Variants in PIR observed in about 807,000 individuals in gnomAD.
PIR encodes the protein pirin.
A neutral mutation model predicts 24.2 loss-of-function variants in PIR; 22 were observed. The ratio of observed to expected loss-of-function variants is 0.91; its 90% confidence interval spans 0.65 to 1.30. The LOEUF (loss-of-function observed/expected upper bound fraction) is 1.30. Ranked by LOEUF, PIR falls within the 50% of genes most tolerant of loss-of-function variation. The pLI, the probability that PIR is intolerant of heterozygous loss-of-function variation, is 0.00. For missense variants in PIR, 220 were observed against 220.3 expected (o/e 1.00, Z 0.01); for synonymous variants, 80 against 79.6 (o/e 1.00, Z -0.03).
rs1923693278 is a variant in PIR, at chrX:15,385,077, G to T, written c.800C>A (p.Ala267Asp). ...TTTTGCGTTTCTGAAATCAAGAATAGCTTGAGAAATCTCTTCATTGGTGTT... is the reference window on the plus strand; with the variant it reads ...TTTTGCGTTTCTGAAATCAAGAATATCTTGAGAAATCTCTTCATTGGTGTT... ...VMNTNEEISQ[A>D]ILDFRNAKNG... is the part of the protein sequence containing the mutation. Residue 267 changes from alanine (A) to aspartate (D), a missense_variant, in exon 10 of 10, where the codon GCT (alanine) becomes GAT (aspartate). Ala to Asp is a moderately radical substitution (Grantham distance 126). Transcript: ENST00000380420. 5 of 1,191,671 alleles carry T rather than the reference G, an allele frequency of 4.2e-6. No homozygotes were observed. Among genetic ancestry groups the T allele is most frequent in the Non-Finnish European group, 5.7e-6 (5 of 878,207 alleles).
intron 3 of PIR, among the ~76,000 whole-genome samples, chrX:15,475,761 G>A (rs755141724): frequency 4.5e-5 from 5 of 111,622 alleles, no homozygotes; most frequent in Non-Finnish European, 7.5e-5. Flanking sequence ...CAGGGTAAAT[G>A]CAGAAGTATT....
At chrX:15,397,752 G>GT (rs34607296) in intron 7 of PIR, among the ~76,000 whole-genome samples, 54,335 of 110,821 alleles carry the variant, frequency 0.49, 9,998 homozygotes, top group Non-Finnish European at 0.58. Flanking sequence ...TGAATCCTGC[G>GT]TGTGTTTCCA....
chrX:15,400,664 C>T lies in PIR; in HGVS notation c.611-3133G>A, dbSNP rs1924345657. 4.5e-5 allele frequency among the ~76,000 whole-genome samples: 5 copies of T among 110,898 alleles called. No individual in the cohort carries two copies. In the South Asian group the frequency reaches 1.9e-3, roughly 42 times the overall value. On this transcript the variant is annotated intron_variant, in intron 7 of 9. Coordinates refer to ENST00000380420, the MANE Select transcript of PIR (RefSeq NM_001018109.3). ...TTGTATGTGGGATGCAATTTCTGCC[C>T]ATTCTCTTTGCAATCTCAGTGTTGA...
intron 9 of PIR, 27 bp downstream of exon 9, chrX:15,390,158 A>C: frequency 4.2e-6 from 4 of 942,346 alleles, no homozygotes; most frequent in Non-Finnish European, 5.9e-6. Context: ...AAATCAACCA[A>C]GAAAATCATT....
intron 5 of PIR, among the ~76,000 whole-genome samples, chrX:15,442,704 T>C (rs994217401): frequency 8.9e-6 from 1 of 112,034 alleles, no homozygotes; most frequent in Non-Finnish European, 1.9e-5. Flanking sequence ...GGATGGAAGA[T>C]CAAACTACCC....
At chrX:15,407,732 T>C (rs1478779389) in intron 6 of PIR, 182 bp from the exon 7 acceptor site, 1 of 427,983 alleles carries the variant, frequency 2.3e-6, no homozygotes, top group Admixed American at 3.9e-5. Context: ...TCATTCTCTT[T>C]CTCACACACA....
rs369573220 is a variant in PIR, at chrX:15,445,761, A to T, written c.480+10087T>A. On this transcript the variant is annotated intron_variant, in intron 5 of 9. Coordinates refer to ENST00000380420, the MANE Select transcript of PIR (RefSeq NM_001018109.3). ...TGGCTCAGGGAGGGAGGTAAAAGGT[A>T]AAGAATACAGATGAGAAACTAGCCC... 1.2e-4 allele frequency among the ~76,000 whole-genome samples: 13 copies of T among 109,850 alleles called. No homozygotes were observed. The South Asian group carries it at 4.8e-3, about 41-fold the overall frequency.
At chrX:15,418,116 G>T (rs1461892293) in intron 6 of PIR, among the ~76,000 whole-genome samples, 1 of 111,529 alleles carries the variant, frequency 9.0e-6, no homozygotes, top group African/African-American at 3.3e-5. Context: ...AAAGCAAAAA[G>T]GTTCATAAAA....
chrX:15,478,400 T>C (rs973587806), intron 3 of PIR: 4 of 111,982 alleles, frequency 3.6e-5, no homozygotes, highest in Non-Finnish European at 1.9e-5. Context: ...CCTTGAAGGA[T>C]TAGTAAGGTG....
chrX:15,398,669 G>GTGTGTGTGTGTGTGTGTGT (rs1555952785), intron 7 of PIR, among the ~76,000 whole-genome samples: 30 of 76,113 alleles, frequency 3.9e-4, no homozygotes, highest in African/African-American at 8.6e-4. Flanking sequence ...GAGGAGGGAG[G>GTGTGTGTGTGTGTGTGTGT]GTGTGTGTGT....
At chrX:15,451,631 C>T (rs1920967129) in intron 5 of PIR, among the ~76,000 whole-genome samples, 1 of 111,800 alleles carries the variant, frequency 8.9e-6, no homozygotes, top group Non-Finnish European at 1.9e-5. Flanking sequence ...ATTTCATTTA[C>T]TCATTTGAAA....
chrX:15,490,370 A>T (rs772374032), intron 2 of PIR, among the ~76,000 whole-genome samples: 2 of 111,627 alleles, frequency 1.8e-5, no homozygotes, highest in African/African-American at 3.3e-5. Flanking sequence ...TTATCAGAGT[A>T]GAGTTTAAGA....
chrX:15,434,288 AAG>A (rs1371250747), intron 5 of PIR, among the ~76,000 whole-genome samples: 1 of 103,502 alleles, frequency 9.7e-6, no homozygotes, highest in Non-Finnish European at 2.0e-5. Context: ...AAAGAGGAGA[AAG>A]AAGAAGGAGA....
rs920527151 is a variant in PIR, at chrX:15,426,260, T to C, written c.481-270A>G. Reference sequence around the variant, plus strand: ...CAGCCAGTTCTCAAATATAGTCCAATAGTAACATTTTACTGGCCAATAATT... The same window carrying C: ...CAGCCAGTTCTCAAATATAGTCCAACAGTAACATTTTACTGGCCAATAATT... On this transcript the variant is annotated intron_variant, in intron 5 of 9. Transcript: ENST00000380420. Among the ~76,000 whole-genome samples, 3 of 111,526 alleles carry C rather than the reference T, an allele frequency of 2.7e-5. No individual in the cohort carries two copies. In the East Asian group the frequency reaches 8.4e-4, roughly 31 times the overall value.
At chrX:15,452,914 G>C in intron 5 of PIR, among the ~76,000 whole-genome samples, 1 of 111,218 alleles carries the variant, frequency 9.0e-6, no homozygotes, top group Non-Finnish European at 1.9e-5. Flanking sequence ...GATGGAAGTT[G>C]TTGTTGACTC....
chrX:15,449,031 G>A lies in PIR; in HGVS notation c.480+6817C>T, dbSNP rs185413716. ...CCTAATAGGAATTAAGGGGAAATGGGACATGTAAATTAAATGCCGTCCGCC... is the reference window on the plus strand; with the variant it reads ...CCTAATAGGAATTAAGGGGAAATGGAACATGTAAATTAAATGCCGTCCGCC... On this transcript the variant is annotated intron_variant, in intron 5 of 9. Coordinates refer to ENST00000380420, the MANE Select transcript of PIR (RefSeq NM_001018109.3). 3.9e-3 allele frequency among the ~76,000 whole-genome samples: 440 copies of A among 111,590 alleles called. 1 individual carries two copies. Among genetic ancestry groups the A allele is most frequent in the Non-Finnish European group, 5.5e-3 (290 of 53,125 alleles).
chrX:15,403,359 A>G, intron 7 of PIR, among the ~76,000 whole-genome samples: 1 of 112,450 alleles, frequency 8.9e-6, no homozygotes, highest in Non-Finnish European at 1.9e-5. Context: ...TAGATTTCTA[A>G]ATATTTTCTA....
chrX:15,467,756 C>T (rs1191594105), intron 3 of PIR, among the ~76,000 whole-genome samples: 1 of 111,406 alleles, frequency 9.0e-6, no homozygotes, highest in Non-Finnish European at 1.9e-5. Flanking sequence ...TTTTTTCTTT[C>T]ACTCTGATTA....
intron 2 of PIR, among the ~76,000 whole-genome samples, chrX:15,487,135 C>G (rs1354170961): frequency 9.0e-6 from 1 of 111,516 alleles, no homozygotes; most frequent in East Asian, 2.8e-4. Flanking sequence ...AGCACATATC[C>G]TAGACTGAGA....
Sources: gnomAD v4.1 joint callset for allele counts (sites outside exome capture counted in the v4.1 genomes callset) on GRCh38, gnomAD v4.1.1 for gene constraint, MANE v1.5 for transcripts, NCBI Gene and HGNC (gene_info 2026-07-23, HGNC 2026-07-21) for gene names.